The following PKNOX1 variants were observed in gnomAD, a reference collection of about 807,000 sequenced individuals.
The protein encoded by PKNOX1 is PBX/knotted 1 homeobox 1, also known as homeobox protein PKNOX1.
In PKNOX1, 15 loss-of-function variants were observed where a neutral mutation model predicts 51.9. The ratio of observed to expected loss-of-function variants is 0.29; its 90% CI spans 0.19 to 0.45. PKNOX1 has a LOEUF of 0.45. Ranked by LOEUF, PKNOX1 falls within the 20% of genes least tolerant of loss-of-function variation. The pLI is 1.00. For missense variants in PKNOX1, 462 were observed against 547.5 expected, an observed-to-expected ratio of 0.84 and a Z score of 1.56; for synonymous variants, 219 against 211.1, an observed-to-expected ratio of 1.04 and a Z score of -0.32.
rs1220049013 is a variant in PKNOX1, at chr21:43,029,078, T to C, written c.1099+204T>C. Reference sequence around the variant, plus strand: ...CAGTAAGAGTTAGGAGCACCAGTAGTAGAGAATGTAAAACACGTGATAGAG... The same window carrying C: ...CAGTAAGAGTTAGGAGCACCAGTAGCAGAGAATGTAAAACACGTGATAGAG... On this transcript the variant is annotated intron_variant, in intron 10 of 10. Coordinates refer to ENST00000291547, the MANE Select transcript of PKNOX1 (RefSeq NM_004571.5). The C allele has an allele frequency of 1.3e-5, 8 of 606,940 alleles. No individual in the cohort carries two copies. The Admixed American group carries it at 1.4e-4, about 11-fold the overall frequency. The allele number at this position is 606,940 out of a possible 1,614,324, so 37.6% of individuals were successfully genotyped here. A position where few individuals can be genotyped will look rare whatever the true frequency, so the allele number is the denominator to read the frequency against.
intron 1 of PKNOX1, among the ~76,000 whole-genome samples, chr21:42,979,169 C>T (rs2059013414): frequency 6.6e-6 from 1 of 152,236 alleles, no homozygotes; most frequent in Admixed American, 6.5e-5. Flanking sequence ...CTTCCTGCCT[C>T]GTCCTTCCGA....
intron 3 of PKNOX1, among the ~76,000 whole-genome samples, chr21:43,008,061 T>TCTCTCACACACACACACACACACA (rs59792199): frequency 4.6e-4 from 68 of 146,884 alleles, no homozygotes; most frequent in Admixed American, 8.8e-4. Flanking sequence ...CAAAACTCTG[T>TCTCTCACACACACACACACACACA]CACACACACA....
At position 43,004,340 on chromosome 21, in the gene PKNOX1, T is replaced by TCG. The variant is rs1406431109; in HGVS notation, c.-41_-40insGC. The TCG allele has an allele frequency of 7.2e-7, 1 of 1,386,164 alleles. No individual in the cohort carries two copies. The highest frequency in any genetic ancestry group is 1.0e-6 in the Non-Finnish European group (1 of 972,454). The allele number at this position is 1,386,164 out of a possible 1,614,324, so 85.9% of individuals were successfully genotyped here. ...TTGTTCTCCAGACACCATTCGCTTT[T>TCG]CACCCAAGATGATTTGATGTCTTAT... On this transcript the variant is annotated 5_prime_UTR_variant, in exon 2 of 11. An upstream open reading frame in the 5' UTR loses its in-frame stop. Coordinates refer to ENST00000291547, the MANE Select transcript of PKNOX1 (RefSeq NM_004571.5).
intron 7 of PKNOX1, 148 bp downstream of exon 7, chr21:43,018,378 C>G (rs78530467): frequency 0.04 from 22,071 of 556,696 alleles, 553 homozygotes; most frequent in Middle Eastern, 0.07. Context: ...TGTTTTGTTT[C>G]TTTGTACTCT....
intron 8 of PKNOX1, among the ~76,000 whole-genome samples, chr21:43,023,387 C>T (rs991271792): frequency 2.0e-5 from 3 of 152,064 alleles, no homozygotes; most frequent in African/African-American, 7.2e-5. Context: ...CCACGCCGCA[C>T]TCAGTGTTCC....
At chr21:42,976,541 C>A (rs531179221) in intron 1 of PKNOX1, among the ~76,000 whole-genome samples, 2 of 152,242 alleles carry the variant, frequency 1.3e-5, no homozygotes, top group Non-Finnish European at 2.9e-5. Context: ...GGAGGCTATT[C>A]TCAAACTCTG....
intron 9 of PKNOX1, 27 bp from the exon 10 acceptor site, chr21:43,028,675 A>G (rs1486336167): frequency 8.1e-6 from 13 of 1,609,978 alleles, no homozygotes; most frequent in Non-Finnish European, 1.0e-5. Flanking sequence ...GGCTGTTTTC[A>G]TGGAAGCTTC....
chr21:42,977,308 C>G (rs1046249437), intron 1 of PKNOX1, among the ~76,000 whole-genome samples: 3 of 152,166 alleles, frequency 2.0e-5, no homozygotes, highest in Admixed American at 6.6e-5. Context: ...GCACTGAGTT[C>G]TCTCTAGGTA....
At chr21:43,006,796 TC>T (rs1979007643) in intron 2 of PKNOX1, among the ~76,000 whole-genome samples, 5 of 152,190 alleles carry the variant, frequency 3.3e-5, no homozygotes, top group Admixed American at 3.3e-4. Flanking sequence ...CCCGTCCTGG[TC>T]CTGAGGAAGC....
intron 1 of PKNOX1, among the ~76,000 whole-genome samples, chr21:42,991,453 G>A (rs1031360806): frequency 5.3e-5 from 8 of 152,122 alleles, no homozygotes; most frequent in Admixed American, 3.3e-4. Flanking sequence ...TTGGCCAGGC[G>A]TGGTGGCTCA....
At chr21:43,023,911 G>A (rs1330217950) in intron 8 of PKNOX1, among the ~76,000 whole-genome samples, 3 of 151,368 alleles carry the variant, frequency 2.0e-5, no homozygotes, top group Non-Finnish European at 4.4e-5. Context: ...ACCACACCTG[G>A]CCAGATTTTT....
chr21:42,988,993 G>T (rs1323812727), intron 1 of PKNOX1, among the ~76,000 whole-genome samples: 24 of 151,922 alleles, frequency 1.6e-4, no homozygotes, highest in African/African-American at 5.3e-4. Flanking sequence ...GACTTCTCAG[G>T]CTGGGGACCC....
chr21:42,987,767 C>T (rs1025188751), intron 1 of PKNOX1, among the ~76,000 whole-genome samples: 1 of 151,582 alleles, frequency 6.6e-6, no homozygotes, highest in Non-Finnish European at 1.5e-5. Flanking sequence ...TACAGGTGCC[C>T]ACCACCACAC....
rs60609633 is a variant in PKNOX1, at chr21:43,027,289, C to T, written c.927-1413C>T. ...GGTTGGGGTAATGCATGAATCTGGA[C>T]GGGTTCTGGTTTGATAGGCGCTTTC... is the stretch of plus-strand genomic sequence containing the variant. On this transcript the variant is annotated intron_variant, in intron 9 of 10. Transcript: ENST00000291547. 4.1e-3 allele frequency among the ~76,000 whole-genome samples: 626 copies of T among 152,254 alleles called. 4 individuals carry two copies. Among genetic ancestry groups the T allele is most frequent in the African/African-American group, 0.014 (591 of 41,528 alleles).
intron 2 of PKNOX1, among the ~76,000 whole-genome samples, chr21:43,005,096 A>G (rs1978929483): frequency 6.6e-6 from 1 of 152,072 alleles, no homozygotes; most frequent in African/African-American, 2.4e-5. Context: ...TTGGCTTGCG[A>G]TCTTGTTAAA....
chr21:43,027,342 T>C (rs569355115), intron 9 of PKNOX1, among the ~76,000 whole-genome samples: 1 of 152,336 alleles, frequency 6.6e-6, no homozygotes, highest in East Asian at 1.9e-4. Flanking sequence ...TTTCTTTCCG[T>C]TTCTTTCCAT....
chr21:43,029,701 G>A (rs1220141192), intron 10 of PKNOX1, among the ~76,000 whole-genome samples, 189 bp from the exon 11 acceptor site: 2 of 152,114 alleles, frequency 1.3e-5, no homozygotes, highest in African/African-American at 4.8e-5. Context: ...AAAGTGCTGG[G>A]ATTACAGGCA....
chr21:43,027,302 G>A (rs234725), intron 9 of PKNOX1, among the ~76,000 whole-genome samples: 36,436 of 152,148 alleles, frequency 0.24, 4,766 homozygotes, highest in Non-Finnish European at 0.29. Context: ...GTTCTGGTTT[G>A]ATAGGCGCTT....
Position 43,031,492 on chromosome 21 carries a change from G to C in PKNOX1, c.*1391G>C, listed in dbSNP as rs190541960. ...GTTTCCTGGTAACAAGATGAACCGA[G>C]AGAGTGGGCTGGGTTCTGTTTTCTT... On this transcript the variant is annotated 3_prime_UTR_variant, in exon 11 of 11. Transcript: ENST00000291547. The C allele has an allele frequency of 6.6e-6, 1 of 152,364 alleles. No homozygotes were observed. Among genetic ancestry groups the C allele is most frequent in the East Asian group, 1.9e-4 (1 of 5,186 alleles). The allele number at this position is 152,364 out of a possible 1,614,324, so 9.4% of individuals were successfully genotyped here. A position where few individuals can be genotyped will look rare whatever the true frequency, so the allele number is the denominator to read the frequency against.
Sources: allele counts gnomAD v4.1 joint callset (sites outside exome capture counted in the v4.1 genomes callset), GRCh38; gene constraint gnomAD v4.1.1; transcripts MANE v1.5; gene names NCBI Gene and HGNC (gene_info 2026-07-23, HGNC 2026-07-21).